PASK: variants seen among roughly 807,000 people sequenced by gnomAD.
PASK encodes PAS domain-containing serine/threonine-protein kinase.
Under a neutral mutation model 121.0 loss-of-function variants are expected in PASK, and 110 were observed. That is an observed-to-expected ratio of 0.91 (90% CI 0.78 to 1.06). The LOEUF (loss-of-function observed/expected upper bound fraction) is 1.06. PASK is among the 50% of genes least tolerant of loss of function. The pLI, the probability that PASK is intolerant of heterozygous loss-of-function variation, is 0.00. For synonymous variants in PASK, 686 were observed against 717.8 expected (o/e 0.96, Z 0.71); for missense variants, 1,643 against 1,702.3 (o/e 0.97, Z 0.61).
chr2:241,116,925 C>T (rs918016160), intron 12 of PASK, among the ~76,000 whole-genome samples: 10 of 152,134 alleles, frequency 6.6e-5, no homozygotes, highest in African/African-American at 1.2e-4. Context: ...CAGGAAGTGC[C>T]GCGGGGGTGC....
rs200123709 is a variant in PASK, at chr2:241,108,186, C to T, written c.3648G>A (p.Pro1216=). The change falls in exon 16 of 18, where the codon CCG becomes CCA. Residue 1216 remains proline (P), a synonymous_variant. Coordinates refer to ENST00000234040, the MANE Select transcript of PASK (RefSeq NM_015148.4). The surrounding 1 kb of genome is among the most constrained non-coding windows in gnomAD (Gnocchi z 5.2). Reference sequence around the variant, plus strand: ...GCTCACCTTTGGACACCAGGTATGGCGGGTGTATGGCAGCCTCCACGGTCT... The same window carrying T: ...GCTCACCTTTGGACACCAGGTATGGTGGGTGTATGGCAGCCTCCACGGTCT... ...LEETVEAAIH[P]PYLVSKELMS... 4.9e-5 allele frequency: 79 copies of T among 1,613,998 alleles called. No homozygotes were observed. The highest frequency in any genetic ancestry group is 1.6e-4 in the Middle Eastern group (1 of 6,062).
Position 241,144,135 on chromosome 2 carries a change from CAT to C in PASK, c.-42-1063_-42-1062del, listed in dbSNP as rs374301664. 1.4e-3 allele frequency among the ~76,000 whole-genome samples: 218 copies of C among 151,734 alleles called. 1 individual carries two copies. The highest frequency in any genetic ancestry group is 4.2e-3 in the South Asian group (20 of 4,740). On this transcript the variant is annotated intron_variant, in intron 1 of 17. Coordinates refer to ENST00000234040, the MANE Select transcript of PASK (RefSeq NM_015148.4). ...GTCCGTGCGTGTGTGTGCGTGTGCA[CAT>C]GTGTACATGAGCGTGTGTGTGTGCG...
In PASK at chr2:241,122,738, G is replaced by A. The variant is rs1553610109; in HGVS notation, c.3066C>T (p.Asn1022=). 11 of 1,613,690 alleles carry A rather than the reference G, an allele frequency of 6.8e-6. No homozygotes were observed. The highest frequency in any genetic ancestry group is 9.3e-6 in the Non-Finnish European group (11 of 1,179,732). The part of the protein sequence containing the change: ...FVWTAVDKEK[N]KEVVVKFIKK... ...CCCCCCACAGCCAGGTTACCTCCTTGTTTTTTTCCTTGTCCACAGCAGTCC... is the reference window on the plus strand; with the variant it reads ...CCCCCCACAGCCAGGTTACCTCCTTATTTTTTTCCTTGTCCACAGCAGTCC... Residue 1022 remains asparagine, a synonymous_variant, in exon 12 of 18, where the codon AAC becomes AAT. Transcript: ENST00000234040.
chr2:241,125,201 T>C (rs2065797513), intron 10 of PASK, among the ~76,000 whole-genome samples: 1 of 151,986 alleles, frequency 6.6e-6, no homozygotes, highest in African/African-American at 2.4e-5. Flanking sequence ...CTCAGGAGGC[T>C]GGGGCAGGAG....
rs1406341411 is a variant in PASK, at chr2:241,106,501, A to C, written c.*65T>G. On this transcript the variant is annotated 3_prime_UTR_variant, in exon 18 of 18. Transcript: ENST00000234040. Reference sequence around the variant, plus strand: ...GCTTCAGAATGTATTTTCTCCAAACAGATGGAGCCTGAAAACTGTGTGATT... The same window carrying C: ...GCTTCAGAATGTATTTTCTCCAAACCGATGGAGCCTGAAAACTGTGTGATT... The C allele has an allele frequency of 6.5e-7, 1 of 1,542,548 alleles. No homozygotes were observed.
chr2:241,125,609 G>GA (rs11353969), intron 10 of PASK, among the ~76,000 whole-genome samples: 60 of 118,416 alleles, frequency 5.1e-4, no homozygotes, highest in South Asian at 1.4e-3. Flanking sequence ...CAAAAAAAAA[G>GA]AAAAAAAAAA....
chr2:241,117,504 A>G lies in PASK; in HGVS notation c.3073-2091T>C, dbSNP rs1046358491. ...CCAGGGGGGCCCATGCACACCTAAA[A>G]TGAGTGTCAGGAGGAGGGAGAAGGA... On this transcript the variant is annotated intron_variant, in intron 12 of 17. Transcript: ENST00000234040. 8.4e-4 allele frequency among the ~76,000 whole-genome samples: 128 copies of G among 152,330 alleles called. 1 individual carries two copies. The highest frequency in any genetic ancestry group is 3.4e-3 in the Middle Eastern group (1 of 294).
chr2:241,147,978 C>T (rs2067045645), intron 1 of PASK, among the ~76,000 whole-genome samples: 1 of 152,212 alleles, frequency 6.6e-6, no homozygotes, highest in African/African-American at 2.4e-5. Flanking sequence ...CCCCTGGAGC[C>T]TCCCGTGCAC....
chr2:241,112,979 C>T lies in PASK; in HGVS notation c.3334-540G>A, dbSNP rs767060455. 2.6e-5 allele frequency among the ~76,000 whole-genome samples: 4 copies of T among 152,236 alleles called. No homozygotes were observed. Among genetic ancestry groups the T allele is most frequent in the Non-Finnish European group, 5.9e-5 (4 of 68,044 alleles). On this transcript the variant is annotated intron_variant, in intron 14 of 17. Transcript: ENST00000234040. This position sits in a 1 kb window ranked among gnomAD's most constrained non-coding sequence, Gnocchi z 5.2. ...AGTGGCTTCTCAGAGAGCAGCATGA[C>T]GTATCAGCCATCCTTTCCCCAAATG...
At position 241,127,183 on chromosome 2, in the gene PASK, C is replaced by G. The variant is rs1478017571; in HGVS notation, c.1732G>C (p.Val578Leu). The G allele has an allele frequency of 6.2e-7, 1 of 1,614,112 alleles. No homozygotes were observed. Among genetic ancestry groups the G allele is most frequent in the Non-Finnish European group, 8.5e-7 (1 of 1,180,058 alleles). The change falls in exon 10 of 18, where the codon GTC becomes CTC. Residue 578 changes from valine to leucine, a missense_variant. Transcript: ENST00000234040. ...CQKAQLERMG[V>L]SGPSGSDLWA... ...AGGTCTGAACCGCTGGGACCACTGA[C>G]TCCCATCCGCTCTAGCTGGGCCTTC...
Position 241,123,966 on chromosome 2 carries a change from C to A in PASK, c.2887G>T (p.Gly963Ter). The A allele has an allele frequency of 3.7e-6, 6 of 1,613,686 alleles. No individual in the cohort carries two copies. The highest frequency in any genetic ancestry group is 5.1e-6 in the Non-Finnish European group (6 of 1,179,948). ...STHSTAAELT[G>*]PSLVEVLRAR... ...ATACCCACTTCCACCAGGCTGGGTC[C>A]GGTGAGCTCAGCAGCGGTAGAGTGG... Residue 963 changes from glycine to a stop codon, truncating the protein, a stop_gained, in exon 11 of 18, where the codon GGA becomes TGA. Coordinates refer to ENST00000234040, the MANE Select transcript of PASK (RefSeq NM_015148.4). LOFTEE classifies it high-confidence loss of function.
chr2:241,107,201 G>A (rs1002414146), intron 17 of PASK, 152 bp downstream of exon 17: 6 of 769,368 alleles, frequency 7.8e-6, no homozygotes, highest in African/African-American at 5.1e-5. Flanking sequence ...CCTCTCACAG[G>A]TGACAGGTCA....
chr2:241,127,779 C>T lies in PASK; in HGVS notation c.1464-328G>A, dbSNP rs547136353. 1.9e-4 allele frequency: 74 copies of T among 387,296 alleles called. 1 individual carries two copies. Among genetic ancestry groups the T allele is most frequent in the South Asian group, 1.5e-3 (68 of 46,708 alleles). 24.0% of individuals were successfully genotyped at this position (387,296 alleles called of 1,614,324 possible). ...CCCCGTCAGCCGTGCAGCCTAGCCT[C>T]GGCCCCACCTGCAAGGGGAAGTCCG... is the stretch of plus-strand genomic sequence containing the variant. On this transcript the variant is annotated intron_variant, in intron 9 of 17. Transcript: ENST00000234040.
At position 241,126,805 on chromosome 2, in the gene PASK, G is replaced by A. The variant is rs1232210277; in HGVS notation, c.2110C>T (p.Leu704=). The A allele has an allele frequency of 6.2e-7, 1 of 1,613,900 alleles. No homozygotes were observed. The highest frequency in any genetic ancestry group is 2.2e-5 in the East Asian group (1 of 44,884). Residue 704 remains leucine, a synonymous_variant, in exon 10 of 18, where the codon CTG becomes TTG. Transcript: ENST00000234040. ...VSSCDLGGRD[L]CGGCTGSSSA... ...GAGCTGCCCGTGCAGCCACCGCACA[G>A]GTCTCTGCCTCCCAGATCGCAGGAC...
Position 241,132,939 on chromosome 2 carries a change from C to G in PASK, c.1398G>C (p.Gly466=). 6.2e-7 allele frequency: 1 copy of G among 1,614,042 alleles called. No homozygotes were observed. Among genetic ancestry groups the G allele is most frequent in the Non-Finnish European group, 8.5e-7 (1 of 1,179,922 alleles). ...CTCCAGCAATCAGCTCAGTCTGAGT[C>G]CCGGTGAAGATGTCTTGGCTTTCCA... ...KLMESQDIFT[G]TQTELIAGGQ... Residue 466 remains glycine, a synonymous_variant, in exon 9 of 18, where the codon GGG becomes GGC. Transcript: ENST00000234040.
intron 4 of PASK, among the ~76,000 whole-genome samples, chr2:241,139,152 C>G (rs1025518677): frequency 1.1e-4 from 17 of 152,148 alleles, no homozygotes; most frequent in African/African-American, 2.4e-5. Flanking sequence ...TTTTCTGATA[C>G]AATTGGTCCT....
intron 1 of PASK, among the ~76,000 whole-genome samples, 185 bp from the exon 2 acceptor site, chr2:241,143,259 C>T (rs774050261): frequency 6.6e-6 from 1 of 152,146 alleles, no homozygotes; most frequent in Non-Finnish European, 1.5e-5. Flanking sequence ...AAGCTCTTTC[C>T]GGGCCAGGCA....
rs115723431 is a variant in PASK at position 241,132,209 on chromosome 2, T to C, written c.1463+665A>G. Among the ~76,000 whole-genome samples, 1,475 of 152,010 alleles carry C rather than the reference T, an allele frequency of 9.7e-3. 7 individuals are homozygous for C. Among genetic ancestry groups the C allele is most frequent in the Non-Finnish European group, 0.015 (1,008 of 67,942 alleles). On this transcript the variant is annotated intron_variant, in intron 9 of 17. Coordinates refer to ENST00000234040, the MANE Select transcript of PASK (RefSeq NM_015148.4). The stretch of plus-strand genomic sequence containing the variant: ...TAATATAAACTTTCTTTACTCTAAA[T>C]AGAATATTTTAAAATGTGCAAAGAG...
At position 241,108,052 on chromosome 2, in the gene PASK, C is replaced by T; in HGVS notation, c.3667+115G>A. ...AATTATTTGATGAATAGAAAAGAAACAAATGAGACTGTTGATATGGACAGA... is the reference window on the plus strand; with the variant it reads ...AATTATTTGATGAATAGAAAAGAAATAAATGAGACTGTTGATATGGACAGA... On this transcript the variant is annotated intron_variant, in intron 16 of 17. Coordinates refer to ENST00000234040, the MANE Select transcript of PASK (RefSeq NM_015148.4). This position sits in a 1 kb window ranked among gnomAD's most constrained non-coding sequence, Gnocchi z 5.2. The T allele has an allele frequency of 1.0e-6, 1 of 1,001,782 alleles. No homozygotes were observed. Among genetic ancestry groups the T allele is most frequent in the Non-Finnish European group, 1.6e-6 (1 of 628,100 alleles). The allele number at this position is 1,001,782 out of a possible 1,614,324, so 62.1% of individuals were successfully genotyped here. A position where few individuals can be genotyped will look rare whatever the true frequency, so the allele number is the denominator to read the frequency against.
Sources: allele counts gnomAD v4.1 joint callset (sites outside exome capture counted in the v4.1 genomes callset), GRCh38; gene constraint gnomAD v4.1.1; non-coding constraint Gnocchi (gnomAD v3.1); transcripts MANE v1.5; gene names NCBI Gene and HGNC (gene_info 2026-07-23, HGNC 2026-07-21).